The following LCLAT1 variants were observed in gnomAD, a reference collection of about 807,000 sequenced individuals.
The protein encoded by LCLAT1 is 1-AGP acyltransferase 8.
A neutral mutation model predicts 30.7 loss-of-function variants in LCLAT1; 11 were observed. That is an observed-to-expected ratio of 0.36 (90% confidence interval 0.23 to 0.59). LCLAT1 has a LOEUF of 0.59. Among genes scored for constraint, LCLAT1 ranks in the 20% least tolerant of loss-of-function variants. The pLI is 0.77. For missense variants in LCLAT1, 402 were observed against 458.6 expected (o/e 0.88, Z 1.13); for synonymous variants, 155 against 151.3 (o/e 1.02, Z -0.18).
intron 1 of LCLAT1, chr2:30,459,730 T>C (rs1316544163): frequency 6.3e-7 from 1 of 1,583,210 alleles, no homozygotes; most frequent in African/African-American, 1.3e-5. Context: ...TGGGTAAGTC[T>C]TTGTAATGAT....
At chr2:30,469,447 A>T (rs1051238431) in intron 1 of LCLAT1, among the ~76,000 whole-genome samples, 14 of 152,026 alleles carry the variant, frequency 9.2e-5, no homozygotes, top group Non-Finnish European at 1.8e-4. Flanking sequence ...GCTATCCAGT[A>T]GTATCATTTG....
intron 5 of LCLAT1, among the ~76,000 whole-genome samples, chr2:30,615,980 TA>T (rs1164521801): frequency 6.6e-6 from 1 of 152,100 alleles, no homozygotes; most frequent in African/African-American, 2.4e-5. Context: ...TGGAAATGGG[TA>T]GAGGGCACTA....
At chr2:30,470,019 C>T (rs1682695167) in intron 1 of LCLAT1, among the ~76,000 whole-genome samples, 1 of 152,164 alleles carries the variant, frequency 6.6e-6, no homozygotes, top group African/African-American at 2.4e-5. Flanking sequence ...GCATGAGTCA[C>T]CACGCCCAGC....
intron 3 of LCLAT1, among the ~76,000 whole-genome samples, chr2:30,542,317 T>C (rs1288126177): frequency 6.6e-6 from 1 of 152,202 alleles, no homozygotes; most frequent in African/African-American, 2.4e-5. Context: ...GTCTTACTTC[T>C]TAACTTTATG....
At chr2:30,531,946 G>T (rs1319577779) in intron 2 of LCLAT1, among the ~76,000 whole-genome samples, 1 of 152,174 alleles carries the variant, frequency 6.6e-6, no homozygotes, top group Non-Finnish European at 1.5e-5. Flanking sequence ...AGCATTGTCA[G>T]TTCTCCAGCA....
intron 1 of LCLAT1, among the ~76,000 whole-genome samples, chr2:30,493,146 A>G (rs1200731903): frequency 2.0e-5 from 3 of 152,204 alleles, no homozygotes; most frequent in African/African-American, 7.2e-5. Context: ...GTAGATACTC[A>G]GTAAATTTTG....
intron 1 of LCLAT1, among the ~76,000 whole-genome samples, chr2:30,502,879 T>C (rs928760781): frequency 6.6e-6 from 1 of 152,200 alleles, no homozygotes; most frequent in Non-Finnish European, 1.5e-5. Flanking sequence ...TTCTTGGCTT[T>C]ACCCAGGAAA....
At chr2:30,615,916 A>G (rs1474907241) in intron 5 of LCLAT1, among the ~76,000 whole-genome samples, 1 of 152,204 alleles carries the variant, frequency 6.6e-6, no homozygotes, top group Non-Finnish European at 1.5e-5. Flanking sequence ...TTGGAGTATA[A>G]TCAGTGAATT....
At chr2:30,578,756 T>A (rs770304832) in intron 5 of LCLAT1, among the ~76,000 whole-genome samples, 1 of 152,158 alleles carries the variant, frequency 6.6e-6, no homozygotes, top group Non-Finnish European at 1.5e-5. Flanking sequence ...TACTGTTCCT[T>A]ATGTGAGTAC....
intron 1 of LCLAT1, among the ~76,000 whole-genome samples, chr2:30,468,957 A>T (rs186508675): frequency 1.3e-5 from 2 of 152,194 alleles, no homozygotes; most frequent in Non-Finnish European, 2.9e-5. Context: ...TAGTGGGTAT[A>T]TAGTGATATC....
intron 5 of LCLAT1, among the ~76,000 whole-genome samples, chr2:30,616,692 A>T (rs1453212799): frequency 2.0e-5 from 3 of 152,192 alleles, no homozygotes; most frequent in South Asian, 2.1e-4. Flanking sequence ...GCTTGCACTT[A>T]AAGTGATCCC....
chr2:30,623,163 C>G (rs1339023400), intron 5 of LCLAT1, among the ~76,000 whole-genome samples: 1 of 149,852 alleles, frequency 6.7e-6, no homozygotes, highest in Admixed American at 6.7e-5. Context: ...ATGCCATTCT[C>G]CTGCCTCAGC....
intron 5 of LCLAT1, among the ~76,000 whole-genome samples, chr2:30,591,127 T>C (rs1485470468): frequency 6.6e-6 from 1 of 152,160 alleles, no homozygotes; most frequent in East Asian, 1.9e-4. Context: ...ATTGTGACTT[T>C]TGCAGTTTAG....
chr2:30,513,314 A>G (rs1473082297), intron 1 of LCLAT1, among the ~76,000 whole-genome samples: 1 of 151,728 alleles, frequency 6.6e-6, no homozygotes, highest in Admixed American at 6.6e-5. Context: ...ATAAATATCA[A>G]TAAATATATG....
intron 1 of LCLAT1, among the ~76,000 whole-genome samples, chr2:30,482,084 A>G (rs1683348534): frequency 6.6e-6 from 1 of 152,218 alleles, no homozygotes; most frequent in Non-Finnish European, 1.5e-5. Context: ...GGAAGTAATT[A>G]TAAGCCTTGA....
At chr2:30,552,373 T>G (rs72858918) in intron 3 of LCLAT1, 6,762 of 306,432 alleles carry the variant, frequency 0.022, 475 homozygotes, top group African/African-American at 0.14. Flanking sequence ...GGTTTCTCCA[T>G]TTTTCTCCAC....
intron 5 of LCLAT1, among the ~76,000 whole-genome samples, chr2:30,571,174 A>T (rs190630162): frequency 1.9e-4 from 29 of 152,338 alleles, no homozygotes; most frequent in South Asian, 1.7e-3. Context: ...TAAAGGAATG[A>T]AGGATGTAAT....
At chr2:30,615,719 A>G (rs992633448) in intron 5 of LCLAT1, among the ~76,000 whole-genome samples, 1 of 152,218 alleles carries the variant, frequency 6.6e-6, no homozygotes, top group Non-Finnish European at 1.5e-5. Flanking sequence ...GTGAAAGGAA[A>G]TAAAGCCTTA....
intron 5 of LCLAT1, among the ~76,000 whole-genome samples, chr2:30,591,131 A>G (rs144301353): frequency 6.6e-6 from 1 of 152,118 alleles, no homozygotes; most frequent in African/African-American, 2.4e-5. Context: ...TGACTTTTGC[A>G]GTTTAGGGCA....
Sources: allele counts gnomAD v4.1 joint callset (sites outside exome capture counted in the v4.1 genomes callset), GRCh38; gene constraint gnomAD v4.1.1; transcripts MANE v1.5; gene names NCBI Gene and HGNC (gene_info 2026-07-23, HGNC 2026-07-21).